The following SESTD1 variants were observed in gnomAD, a reference collection of about 807,000 sequenced individuals.
The protein encoded by SESTD1 is SEC14 domain and spectrin repeat-containing protein 1.
SESTD1 carries 43 observed loss-of-function variants against 101.7 expected under a neutral mutation model. The observed-to-expected ratio is 0.42, with a 90% CI of 0.33 to 0.55. The LOEUF (loss-of-function observed/expected upper bound fraction) is 0.55, where lower values mean the gene tolerates loss of function less well. Among genes scored for constraint, SESTD1 ranks in the 20% least tolerant of loss-of-function variants. The pLI is 0.07. For synonymous variants in SESTD1, 283 were observed against 286.8 expected (o/e 0.99, Z 0.13); for missense variants, 647 against 815.1 (o/e 0.79, Z 2.51).
At chr2:179,187,418 A>T (rs1264162837) in intron 2 of SESTD1, among the ~76,000 whole-genome samples, 1 of 152,232 alleles carries the variant, frequency 6.6e-6, no homozygotes, top group Non-Finnish European at 1.5e-5. Context: ...TGAGCCCAGG[A>T]GTTTGAAACT....
chr2:179,164,148 AC>A (rs2045793180), intron 5 of SESTD1, among the ~76,000 whole-genome samples: 1 of 152,128 alleles, frequency 6.6e-6, no homozygotes, highest in Non-Finnish European at 1.5e-5. Flanking sequence ...GTCTGCTTGT[AC>A]CTGTTTGTTG....
At chr2:179,231,307 G>A (rs1306689195) in intron 1 of SESTD1, among the ~76,000 whole-genome samples, 1 of 151,992 alleles carries the variant, frequency 6.6e-6, no homozygotes, top group African/African-American at 2.4e-5. Flanking sequence ...CAGACATAAT[G>A]CAACTGAAGA....
At chr2:179,170,881 C>T (rs994638152) in intron 5 of SESTD1, among the ~76,000 whole-genome samples, 7 of 152,326 alleles carry the variant, frequency 4.6e-5, no homozygotes, top group African/African-American at 1.2e-4. Context: ...GAAGCTCCTG[C>T]GCTCTGGATC....
At chr2:179,113,947 G>T (rs149790029) in intron 16 of SESTD1, among the ~76,000 whole-genome samples, 2 of 150,270 alleles carry the variant, frequency 1.3e-5, no homozygotes, top group African/African-American at 4.8e-5. Flanking sequence ...TGGGGGAGCA[G>T]TACTGTGATT....
In SESTD1 at chr2:179,212,027, G is replaced by A. The variant is rs1043407169; in HGVS notation, c.-25-20161C>T. ...TTGAAATAATTAAAAAATATCTTCC[G>A]TTCCAAGATGGCTGAATAGGAACAG... is the stretch of plus-strand genomic sequence containing the variant. On this transcript the variant is annotated intron_variant, in intron 1 of 17. Transcript: ENST00000428443. Among the ~76,000 whole-genome samples, 7 of 134,426 alleles carry A rather than the reference G, an allele frequency of 5.2e-5. 2 individuals are homozygous for A. The highest frequency in any genetic ancestry group is 1.2e-4 in the African/African-American group (4 of 33,876). 88.2% of individuals were successfully genotyped at this position (134,426 alleles called of 152,430 possible).
At chr2:179,114,725 C>T (rs2044590178) in intron 16 of SESTD1, among the ~76,000 whole-genome samples, 1 of 152,022 alleles carries the variant, frequency 6.6e-6, no homozygotes, top group Admixed American at 6.5e-5. Context: ...CAAAAAGTTT[C>T]CCTTCCAGGC....
intron 7 of SESTD1, 114 bp from the exon 8 acceptor site, chr2:179,146,571 A>G: frequency 1.2e-6 from 1 of 810,326 alleles, no homozygotes; most frequent in Non-Finnish European, 2.0e-6. Flanking sequence ...GAAAATCTGA[A>G]GCATACCATC....
rs2047093246 is a variant in SESTD1, at chr2:179,237,921, T to C, written c.-26+26578A>G. Among the ~76,000 whole-genome samples, 2 of 152,190 alleles carry C rather than the reference T, an allele frequency of 1.3e-5. 1 individual carries two copies. Among genetic ancestry groups the C allele is most frequent in the South Asian group, 4.1e-4 (2 of 4,830 alleles). ...GGACCTTTGAGCAATACAGGGATTA[T>C]GGGCACCTGCCCTCCACATAGTCAA... is the stretch of plus-strand genomic sequence containing the variant. On this transcript the variant is annotated intron_variant, in intron 1 of 17. Transcript: ENST00000428443.
chr2:179,194,359 C>T (rs1014546441), intron 1 of SESTD1, among the ~76,000 whole-genome samples: 1 of 152,168 alleles, frequency 6.6e-6, no homozygotes, highest in African/African-American at 2.4e-5. Flanking sequence ...TAGGAACCAT[C>T]AGAGTCCATG....
intron 1 of SESTD1, among the ~76,000 whole-genome samples, chr2:179,253,922 A>T (rs2047354911): frequency 1.2e-5 from 1 of 81,908 alleles, no homozygotes. Flanking sequence ...AACATGGCAT[A>T]AACCCTGAGT....
Position 179,213,779 on chromosome 2 carries a change from C to A in SESTD1, c.-25-21913G>T, listed in dbSNP as rs1254036479. Among the ~76,000 whole-genome samples, 8 of 134,232 alleles carry A rather than the reference C, an allele frequency of 6.0e-5. 3 individuals carry two copies. The highest frequency in any genetic ancestry group is 2.2e-4 in the Admixed American group (3 of 13,876). 88.1% of individuals were successfully genotyped at this position (134,232 alleles called of 152,430 possible). On this transcript the variant is annotated intron_variant, in intron 1 of 17. Coordinates refer to ENST00000428443, the MANE Select transcript of SESTD1 (RefSeq NM_178123.5). ...TTGGGTTACCCACAAAGGATGGAAT[C>A]TCCTGGCAGAAACCCTACAAGCCAG... is the stretch of plus-strand genomic sequence containing the variant.
chr2:179,117,824 A>G (rs905000742), intron 13 of SESTD1, among the ~76,000 whole-genome samples: 3 of 152,368 alleles, frequency 2.0e-5, no homozygotes, highest in Admixed American at 2.0e-4. Flanking sequence ...ATGATACTCA[A>G]TGACAAACCC....
chr2:179,183,215 C>T (rs766959289), intron 2 of SESTD1, 27 bp from the exon 3 acceptor site: 9 of 1,378,044 alleles, frequency 6.5e-6, no homozygotes, highest in Non-Finnish European at 9.2e-6. Context: ...TTAAATTTAA[C>T]ATGTAATACA....
chr2:179,258,804 A>T (rs1184342567), intron 1 of SESTD1, among the ~76,000 whole-genome samples: 3 of 152,260 alleles, frequency 2.0e-5, no homozygotes, highest in Non-Finnish European at 4.4e-5. Context: ...TAAATTATTT[A>T]GATAAGGTGA....
At chr2:179,118,691 G>A (rs1170805394) in intron 13 of SESTD1, among the ~76,000 whole-genome samples, 1 of 152,140 alleles carries the variant, frequency 6.6e-6, no homozygotes, top group Non-Finnish European at 1.5e-5. Context: ...AACAATGTAG[G>A]CCACTTTGAT....
chr2:179,114,529 ATTTTT>A (rs1340936872), intron 16 of SESTD1, among the ~76,000 whole-genome samples: 1 of 152,178 alleles, frequency 6.6e-6, no homozygotes, highest in Non-Finnish European at 1.5e-5. Flanking sequence ...TGCATATTTT[ATTTTT>A]TGTTTCTGAA....
At chr2:179,246,575 C>T (rs2105551686) in intron 1 of SESTD1, among the ~76,000 whole-genome samples, 1 of 152,270 alleles carries the variant, frequency 6.6e-6, no homozygotes, top group South Asian at 2.1e-4. Flanking sequence ...GAACTCAACA[C>T]TACATCAACC....
chr2:179,109,871 C>A lies in SESTD1; in HGVS notation c.*28G>T. 3 of 1,611,594 alleles carry A rather than the reference C, an allele frequency of 1.9e-6. No homozygotes were observed. The highest frequency in any genetic ancestry group is 1.1e-5 in the South Asian group (1 of 90,890). On this transcript the variant is annotated 3_prime_UTR_variant, in exon 18 of 18. Coordinates refer to ENST00000428443, the MANE Select transcript of SESTD1 (RefSeq NM_178123.5). ...TGTTGACAACATGCGGGATTATGAA[C>A]TGCAAATCTGTAGGTAGCTGGTAGC...
At chr2:179,158,325 C>T (rs1351947740) in intron 5 of SESTD1, among the ~76,000 whole-genome samples, 4 of 152,108 alleles carry the variant, frequency 2.6e-5, no homozygotes, top group East Asian at 1.9e-4. Flanking sequence ...GAAGAGCTCT[C>T]GTCACTTTTC....
Sources: gnomAD v4.1 joint callset for allele counts (sites outside exome capture counted in the v4.1 genomes callset) on GRCh38, gnomAD v4.1.1 for gene constraint, MANE v1.5 for transcripts, NCBI Gene and HGNC (gene_info 2026-07-23, HGNC 2026-07-21) for gene names.